The following FAT3 variants were observed in gnomAD, a reference collection of about 807,000 sequenced individuals.
The protein encoded by FAT3 is FAT atypical cadherin 3.
Under a neutral mutation model 310.2 loss-of-function variants are expected in FAT3, and 95 were observed. The ratio of observed to expected loss-of-function variants is 0.31; its 90% CI spans 0.26 to 0.36. The LOEUF (loss-of-function observed/expected upper bound fraction) is 0.36, where lower values mean the gene tolerates loss of function less well. FAT3 is among the 10% of genes least tolerant of loss of function. FAT3 has a pLI of 1.00. For synonymous variants in FAT3, 2,314 were observed against 2,192.9 expected (o/e 1.06, Z -1.54); for missense variants, 5,408 against 5,715.6 (o/e 0.95, Z 1.74).
At chr11:92,621,204 G>A (rs906899879) in intron 3 of FAT3, among the ~76,000 whole-genome samples, 11 of 152,068 alleles carry the variant, frequency 7.2e-5, no homozygotes, top group South Asian at 2.1e-4. Context: ...TCGTGATCAC[G>A]TGTCTCCTTC....
chr11:92,662,694 C>T (rs1235607218), intron 3 of FAT3, among the ~76,000 whole-genome samples: 8 of 152,144 alleles, frequency 5.3e-5, no homozygotes, highest in African/African-American at 1.4e-4. Context: ...GGTCATGATA[C>T]GTAGAGAAGC....
intron 3 of FAT3, among the ~76,000 whole-genome samples, chr11:92,616,151 C>A (rs376756573): frequency 6.6e-6 from 1 of 152,288 alleles, no homozygotes; most frequent in East Asian, 1.9e-4. Flanking sequence ...CTTTATGAAT[C>A]TGGGTGCTCC....
intron 8 of FAT3, among the ~76,000 whole-genome samples, chr11:92,792,004 T>G (rs775013956): frequency 1.3e-5 from 2 of 152,202 alleles, no homozygotes; most frequent in Non-Finnish European, 2.9e-5. Context: ...TTCCCGATGG[T>G]CAGGGTTCTC....
chr11:92,678,724 C>A (rs1411816557), intron 3 of FAT3, among the ~76,000 whole-genome samples: 1 of 152,070 alleles, frequency 6.6e-6, no homozygotes, highest in Non-Finnish European at 1.5e-5. Context: ...TCTCCATGTT[C>A]AATTAATAAT....
intron 4 of FAT3, among the ~76,000 whole-genome samples, chr11:92,742,413 TG>T (rs1945532965): frequency 6.6e-6 from 1 of 152,192 alleles, no homozygotes. Flanking sequence ...GAAGAACAAA[TG>T]GACTGTGAAT....
At chr11:92,454,600 A>G (rs1951449839) in intron 2 of FAT3, among the ~76,000 whole-genome samples, 1 of 152,146 alleles carries the variant, frequency 6.6e-6, no homozygotes, top group Non-Finnish European at 1.5e-5. Flanking sequence ...TCAAAACCTC[A>G]CTTAACTTTA....
chr11:92,432,630 T>A (rs1950816801), intron 2 of FAT3, among the ~76,000 whole-genome samples: 1 of 152,146 alleles, frequency 6.6e-6, no homozygotes, highest in Non-Finnish European at 1.5e-5. Context: ...GCTCCTTCCT[T>A]TGGAAGATTT....
At chr11:92,255,202 G>C (rs773968097) in intron 1 of FAT3, among the ~76,000 whole-genome samples, 1 of 152,056 alleles carries the variant, frequency 6.6e-6, no homozygotes, top group Non-Finnish European at 1.5e-5. Flanking sequence ...GTGGCTACCT[G>C]TGCTGTGTCC....
At chr11:92,627,287 C>T (rs537891914) in intron 3 of FAT3, among the ~76,000 whole-genome samples, 3 of 152,252 alleles carry the variant, frequency 2.0e-5, no homozygotes, top group Non-Finnish European at 4.4e-5. Context: ...AGGTCAATAG[C>T]TTGATTCATA....
Position 92,534,278 on chromosome 11 carries a change from G to C in FAT3, c.3607+9330G>C, listed in dbSNP as rs116772947. 8.5e-3 allele frequency among the ~76,000 whole-genome samples: 1,292 copies of C among 152,066 alleles called. 15 individuals carry two copies. Among genetic ancestry groups the C allele is most frequent in the African/African-American group, 0.03 (1,225 of 41,470 alleles). On this transcript the variant is annotated intron_variant, in intron 3 of 27. Transcript: ENST00000525166. ...TCATTCAGCAATAACCACAGTCCTG[G>C]GGGGGGAGGGGAACAAAACTCTGGG...
At chr11:92,401,387 CCTCAT>C (rs1950009875) in intron 2 of FAT3, among the ~76,000 whole-genome samples, 1 of 152,108 alleles carries the variant, frequency 6.6e-6, no homozygotes, top group South Asian at 2.1e-4. Flanking sequence ...CTAACAAAGA[CCTCAT>C]CTCTAGGAGG....
chr11:92,248,941 T>C (rs753388154), intron 1 of FAT3, among the ~76,000 whole-genome samples: 1 of 152,066 alleles, frequency 6.6e-6, no homozygotes, highest in Non-Finnish European at 1.5e-5. Flanking sequence ...TACAGATAGA[T>C]TGAGGTTCGG....
chr11:92,394,047 A>G (rs904163708), intron 2 of FAT3, among the ~76,000 whole-genome samples: 5 of 152,184 alleles, frequency 3.3e-5, no homozygotes, highest in Non-Finnish European at 7.3e-5. Context: ...TTCCACTCCT[A>G]GAAACCCACC....
At chr11:92,229,497 T>G (rs1444004009) in intron 1 of FAT3, among the ~76,000 whole-genome samples, 4 of 100,760 alleles carry the variant, frequency 4.0e-5, no homozygotes, top group East Asian at 2.7e-4. Context: ...TTCGTGTTTT[T>G]TTTTTTTTTG....
intron 3 of FAT3, among the ~76,000 whole-genome samples, chr11:92,579,399 G>A (rs1032683498): frequency 6.6e-6 from 1 of 152,104 alleles, no homozygotes; most frequent in Non-Finnish European, 1.5e-5. Context: ...TGATGCTTCT[G>A]AGAGTTGTAA....
At position 92,697,416 on chromosome 11, in the gene FAT3, C is replaced by T. The variant is rs1228580301; in HGVS notation, c.3640C>T (p.Arg1214Ter). 1.2e-6 allele frequency: 2 copies of T among 1,613,800 alleles called. No homozygotes were observed. The highest frequency in any genetic ancestry group is 1.7e-6 in the Non-Finnish European group (2 of 1,179,798). Residue 1214 changes from arginine (R) to a stop codon, truncating the protein, a stop_gained, in exon 4 of 28, where the codon CGA (arginine) becomes TGA (stop). Coordinates refer to ENST00000525166, the MANE Select transcript of FAT3 (RefSeq NM_001367949.2). LOFTEE classifies it high-confidence loss of function. ...LITTTSRKLDREQQAEHFLEV... is the reference protein window; with the variant it reads ...LITTTSRKLD The stretch of plus-strand genomic sequence containing the variant: ...TACAACAACTTCAAGGAAATTGGAT[C>T]GAGAACAGCAGGCAGAACATTTTCT...
At chr11:92,362,445 T>C (rs1208692932) in intron 2 of FAT3, among the ~76,000 whole-genome samples, 1 of 152,208 alleles carries the variant, frequency 6.6e-6, no homozygotes, top group Non-Finnish European at 1.5e-5. Context: ...GCCAGTGGGC[T>C]CTTTTGCTGT....
chr11:92,716,380 G>A (rs898819330), intron 4 of FAT3, among the ~76,000 whole-genome samples: 1 of 151,846 alleles, frequency 6.6e-6, no homozygotes, highest in Non-Finnish European at 1.5e-5. Flanking sequence ...TGCCTAATTA[G>A]CTCTTTCTCA....
At chr11:92,753,798 G>GTGTGTATATATATATATATATATATATA in intron 4 of FAT3, among the ~76,000 whole-genome samples, 10 of 119,172 alleles carry the variant, frequency 8.4e-5, no homozygotes, top group Admixed American at 4.0e-4. Context: ...GTGTGTGTGT[G>GTGTGTATATATATATATATATATATATA]TATATATATA....
Sources: allele counts gnomAD v4.1 joint callset (sites outside exome capture counted in the v4.1 genomes callset), GRCh38; gene constraint gnomAD v4.1.1; transcripts MANE v1.5; gene names NCBI Gene and HGNC (gene_info 2026-07-23, HGNC 2026-07-21).